Variants in RSPO2 observed in about 807,000 individuals in gnomAD.
The protein encoded by RSPO2 is R-spondin 2.
RSPO2 carries 14 observed loss-of-function variants against 30.9 expected under a neutral mutation model. That is an observed-to-expected ratio of 0.45 (90% confidence interval 0.30 to 0.71). The LOEUF (loss-of-function observed/expected upper bound fraction) is 0.71, where lower values mean the gene tolerates loss of function less well. Among genes scored for constraint, RSPO2 ranks in the 30% least tolerant of loss-of-function variants. RSPO2 has a pLI of 0.08. For missense variants in RSPO2, 264 were observed against 301.9 expected (o/e 0.87, Z 0.93); for synonymous variants, 107 against 96.4 (o/e 1.11, Z -0.64).
chr8:107,906,371 T>TAGTAATAGC lies in RSPO2; in HGVS notation c.617-5182_617-5181insGCTATTACT, dbSNP rs1267935317. ...TTTTATATTTTATATTTTATATTTTTATTTTAGAAATAGCATTTTATATTT... is the reference window on the plus strand; with the variant it reads ...TTTTATATTTTATATTTTATATTTTTAGTAATAGCATTTTAGAAATAGCATTTTATATTT... On this transcript the variant is annotated intron_variant, in intron 5 of 5. Transcript: ENST00000276659. Among the ~76,000 whole-genome samples, 15 of 26,784 alleles carry TAGTAATAGC rather than the reference T, an allele frequency of 5.6e-4. No individual in the cohort carries two copies. The Admixed American group carries it at 7.2e-3, about 13-fold the overall frequency. The allele number at this position is 26,784 out of a possible 152,430, so 17.6% of individuals were successfully genotyped here. A position where few individuals can be genotyped will look rare whatever the true frequency, so the allele number is the denominator to read the frequency against.
intron 2 of RSPO2, chr8:108,081,931 A>T: frequency 1.0e-6 from 1 of 984,268 alleles, no homozygotes. Context: ...GAAAGTTCCC[A>T]TCTCGTCGCA....
At chr8:108,064,447 G>A (rs184419162) in intron 2 of RSPO2, among the ~76,000 whole-genome samples, 1 of 152,326 alleles carries the variant, frequency 6.6e-6, no homozygotes, top group East Asian at 1.9e-4. Flanking sequence ...GGCCATCAGA[G>A]AAATGCAAAT....
intron 2 of RSPO2, among the ~76,000 whole-genome samples, chr8:108,064,106 G>C (rs958499674): frequency 1.4e-4 from 21 of 152,054 alleles, no homozygotes; most frequent in Non-Finnish European, 2.6e-4. Context: ...TACCATTCAG[G>C]ACATAGGCAT....
At chr8:108,067,079 G>T (rs1380015628) in intron 2 of RSPO2, among the ~76,000 whole-genome samples, 1 of 152,204 alleles carries the variant, frequency 6.6e-6, no homozygotes, top group African/African-American at 2.4e-5. Context: ...GGAAAGATGT[G>T]AGATATTCTG....
At chr8:108,027,415 T>C (rs1040360735) in intron 2 of RSPO2, among the ~76,000 whole-genome samples, 3 of 152,186 alleles carry the variant, frequency 2.0e-5, no homozygotes, top group Non-Finnish European at 4.4e-5. Flanking sequence ...CTTTTCCAAA[T>C]GAAGTATCTA....
chr8:107,994,509 A>G (rs908630378), intron 2 of RSPO2, among the ~76,000 whole-genome samples: 4 of 152,296 alleles, frequency 2.6e-5, no homozygotes, highest in Non-Finnish European at 4.4e-5. Context: ...AGTTCACTGC[A>G]TCTGATGGGG....
intron 2 of RSPO2, among the ~76,000 whole-genome samples, chr8:108,015,145 C>G (rs1810844034): frequency 6.6e-6 from 1 of 152,132 alleles, no homozygotes; most frequent in Admixed American, 6.5e-5. Context: ...TCCTCTAATT[C>G]TGTGGTGATA....
chr8:108,078,494 T>A (rs1471245677), intron 2 of RSPO2, among the ~76,000 whole-genome samples: 1 of 152,148 alleles, frequency 6.6e-6, no homozygotes, highest in East Asian at 1.9e-4. Flanking sequence ...TTTGAAAGAA[T>A]ATCAGGAGAA....
chr8:107,953,788 T>C (rs1303857697), intron 5 of RSPO2, among the ~76,000 whole-genome samples: 1 of 152,122 alleles, frequency 6.6e-6, no homozygotes, highest in Admixed American at 6.5e-5. Context: ...GAATCAAGGA[T>C]GCTCCAAAAA....
intron 3 of RSPO2, among the ~76,000 whole-genome samples, chr8:107,975,245 T>C (rs1040257850): frequency 6.6e-6 from 1 of 152,238 alleles, no homozygotes; most frequent in Non-Finnish European, 1.5e-5. Context: ...AGTTAATAAA[T>C]AGGAATGCCT....
At chr8:107,984,109 A>C (rs1310608422) in intron 3 of RSPO2, 1 of 462,738 alleles carries the variant, frequency 2.2e-6, no homozygotes, top group Admixed American at 3.9e-5. Context: ...AGGCATTGCC[A>C]GGACTTGGGA....
chr8:108,070,699 G>A (rs1307869546), intron 2 of RSPO2, among the ~76,000 whole-genome samples: 1 of 152,022 alleles, frequency 6.6e-6, no homozygotes, highest in African/African-American at 2.4e-5. Context: ...ATGGCTGTGG[G>A]GTGGCTCTTA....
chr8:108,035,902 C>A (rs1005450431), intron 2 of RSPO2, among the ~76,000 whole-genome samples: 1 of 152,076 alleles, frequency 6.6e-6, no homozygotes, highest in Non-Finnish European at 1.5e-5. Context: ...GGTTTGGGAA[C>A]CACCAAGTCT....
intron 2 of RSPO2, among the ~76,000 whole-genome samples, chr8:108,037,951 C>T (rs1187606250): frequency 9.9e-5 from 15 of 152,136 alleles, no homozygotes; most frequent in African/African-American, 3.4e-4. Flanking sequence ...TTCATGCCTG[C>T]TAACACAAGA....
intron 5 of RSPO2, among the ~76,000 whole-genome samples, chr8:107,949,423 ATATTTT>A (rs915243585): frequency 8.0e-5 from 12 of 150,338 alleles, no homozygotes; most frequent in African/African-American, 2.8e-4. Flanking sequence ...GGTTGGTTCC[ATATTTT>A]TACAATTTCG....
At chr8:107,984,912 T>C (rs1814573486) in intron 3 of RSPO2, among the ~76,000 whole-genome samples, 2 of 152,112 alleles carry the variant, frequency 1.3e-5, no homozygotes, top group African/African-American at 4.8e-5. Flanking sequence ...TCAGTGGGAG[T>C]TAAATGTATC....
intron 2 of RSPO2, among the ~76,000 whole-genome samples, chr8:108,005,458 G>A (rs571992647): frequency 2.4e-4 from 37 of 152,036 alleles, no homozygotes; most frequent in African/African-American, 6.3e-4. Flanking sequence ...CTTTAACTCC[G>A]TCATTTCCTC....
intron 3 of RSPO2, among the ~76,000 whole-genome samples, chr8:107,975,148 G>C (rs927356173): frequency 6.6e-6 from 1 of 152,174 alleles, no homozygotes; most frequent in Non-Finnish European, 1.5e-5. Flanking sequence ...TTGTTCCACT[G>C]TACCACCACC....
intron 2 of RSPO2, among the ~76,000 whole-genome samples, chr8:108,003,576 T>C (rs1162050923): frequency 3.3e-5 from 5 of 151,768 alleles, no homozygotes; most frequent in Admixed American, 1.3e-4. Flanking sequence ...CCGACCCAAT[T>C]TGAAATCTAA....
Sources: gnomAD v4.1 joint callset for allele counts (sites outside exome capture counted in the v4.1 genomes callset) on GRCh38, gnomAD v4.1.1 for gene constraint, MANE v1.5 for transcripts, NCBI Gene and HGNC (gene_info 2026-07-23, HGNC 2026-07-21) for gene names.